Variants in FSD1 observed in about 807,000 individuals in gnomAD.
FSD1 encodes fibronectin type III and SPRY domain-containing protein 1.
Under a neutral mutation model 58.2 loss-of-function variants are expected in FSD1, and 23 were observed. That is an observed-to-expected ratio of 0.40 (90% CI 0.28 to 0.56). FSD1 has a LOEUF of 0.56. FSD1 is among the 20% of genes least tolerant of loss of function. The probability of loss-of-function intolerance (pLI) is 0.54; values close to 1 mark genes in which losing one functional copy is unlikely to be tolerated. For missense variants in FSD1, 563 were observed against 670.8 expected, an observed-to-expected ratio of 0.84 and a Z score of 1.78; for synonymous variants, 265 against 263.4, an observed-to-expected ratio of 1.01 and a Z score of -0.06.
rs376240729 is a variant in FSD1, at chr19:4,313,495, G to A, written c.700+1444G>A. The stretch of plus-strand genomic sequence containing the variant: ...AGCACTTTGGGAGGCTTAGGCGGGC[G>A]GATCTTGAAGTCACGAGATTGAGAC... On this transcript the variant is annotated intron_variant, in intron 7 of 12. Transcript: ENST00000221856. Among the ~76,000 whole-genome samples, 95 of 152,028 alleles carry A rather than the reference G, an allele frequency of 6.2e-4. 2 individuals carry two copies. In the South Asian group the frequency reaches 0.019, roughly 30 times the overall value.
chr19:4,305,188 G>A (rs1971604592), intron 1 of FSD1, among the ~76,000 whole-genome samples: 1 of 148,908 alleles, frequency 6.7e-6, no homozygotes, highest in African/African-American at 2.5e-5. Flanking sequence ...TCCCGAGCGG[G>A]ATCCTCCCTC....
At position 4,310,417 on chromosome 19, in the gene FSD1, G is replaced by A. The variant is rs557099158; in HGVS notation, c.369-58G>A. 1.1e-4 allele frequency: 184 copies of A among 1,603,740 alleles called. 2 individuals are homozygous for A. The East Asian group carries it at 3.4e-3, about 30-fold the overall frequency. On this transcript the variant is annotated intron_variant, in intron 5 of 12. Coordinates refer to ENST00000221856, the MANE Select transcript of FSD1 (RefSeq NM_024333.3). ...GGGAGCCCTGGGGAGGGGCCCCCTC[G>A]CGCCACGGATGACCAGGCCTGGTCC... is the stretch of plus-strand genomic sequence containing the variant.
At position 4,315,559 on chromosome 19, in the gene FSD1, C is replaced by T. The variant is rs1305905912; in HGVS notation, c.701-1623C>T. ...TCCTGACCTTGTGATCCGCCTCCGTCGGCCTCCCAAAGTGCTGGGATTACA... is the reference window on the plus strand; with the variant it reads ...TCCTGACCTTGTGATCCGCCTCCGTTGGCCTCCCAAAGTGCTGGGATTACA... On this transcript the variant is annotated intron_variant, in intron 7 of 12. Transcript: ENST00000221856. Among the ~76,000 whole-genome samples, 15 of 149,934 alleles carry T rather than the reference C, an allele frequency of 1.0e-4. No individual in the cohort carries two copies. The South Asian group carries it at 1.9e-3, about 19-fold the overall frequency.
At chr19:4,313,174 C>A (rs1971714229) in intron 7 of FSD1, among the ~76,000 whole-genome samples, 1 of 149,404 alleles carries the variant, frequency 6.7e-6, no homozygotes, top group Admixed American at 6.7e-5. Context: ...AAAGCAAGAG[C>A]CCATCTATAA....
rs1447452654 is a variant in FSD1 at position 4,307,313 on chromosome 19, C to T, written c.244-569C>T. On this transcript the variant is annotated intron_variant, in intron 3 of 12. Transcript: ENST00000221856. Reference sequence around the variant, plus strand: ...TCAAGCGATCCTCCTGCCTTGGCCTCCCAAATTGCTGGGATTACAGGCATG... The same window carrying T: ...TCAAGCGATCCTCCTGCCTTGGCCTTCCAAATTGCTGGGATTACAGGCATG... Among the ~76,000 whole-genome samples the T allele has an allele frequency of 3.3e-5, 5 of 152,278 alleles. No individual in the cohort carries two copies. In the South Asian group the frequency reaches 6.2e-4, roughly 19 times the overall value.
rs149433138 is a variant in FSD1 at position 4,313,674 on chromosome 19, C to A, written c.700+1623C>A. Among the ~76,000 whole-genome samples the A allele has an allele frequency of 2.0e-3, 298 of 149,094 alleles. 1 individual carries two copies. Among genetic ancestry groups the A allele is most frequent in the Non-Finnish European group, 3.4e-3 (229 of 67,630 alleles). On this transcript the variant is annotated intron_variant, in intron 7 of 12. Coordinates refer to ENST00000221856, the MANE Select transcript of FSD1 (RefSeq NM_024333.3). Reference sequence around the variant, plus strand: ...CAGAAGTTGCAGTGAGCTGAGATTGCGCCACTGAGCTCCAGCCTGGTTACA... The same window carrying A: ...CAGAAGTTGCAGTGAGCTGAGATTGAGCCACTGAGCTCCAGCCTGGTTACA...
intron 4 of FSD1, among the ~76,000 whole-genome samples, chr19:4,309,622 T>G (rs1971664950): frequency 1.3e-5 from 2 of 152,098 alleles, no homozygotes; most frequent in African/African-American, 4.8e-5. Context: ...TAGAAACAAA[T>G]CTTTGGGCCG....
chr19:4,304,986 C>A (rs1426891699), intron 1 of FSD1, among the ~76,000 whole-genome samples: 2 of 138,134 alleles, frequency 1.4e-5, no homozygotes, highest in Admixed American at 1.4e-4. Flanking sequence ...CTTCTACGCC[C>A]CCCCACCCTG....
At chr19:4,322,059 G>A (rs1971824916) in intron 10 of FSD1, among the ~76,000 whole-genome samples, 1 of 138,014 alleles carries the variant, frequency 7.2e-6, no homozygotes, top group Non-Finnish European at 1.5e-5. Flanking sequence ...TATCTGAGAG[G>A]AACAGCTGGG....
intron 10 of FSD1, among the ~76,000 whole-genome samples, chr19:4,321,742 T>G (rs1421825023): frequency 7.0e-6 from 1 of 142,570 alleles, no homozygotes; most frequent in African/African-American, 2.7e-5. Flanking sequence ...TGGGGGGAAA[T>G]AGCTGGGGCC....
chr19:4,313,911 C>A (rs1047741574), intron 7 of FSD1, among the ~76,000 whole-genome samples: 5 of 151,916 alleles, frequency 3.3e-5, no homozygotes, highest in African/African-American at 1.2e-4. Context: ...GCCTGTAGTC[C>A]CAGCTACTTG....
chr19:4,321,012 A>T (rs551333375), intron 10 of FSD1, among the ~76,000 whole-genome samples: 26 of 148,096 alleles, frequency 1.8e-4, no homozygotes, highest in Non-Finnish European at 3.9e-4. Flanking sequence ...TCTGGAGGGG[A>T]ATAGCTGGGA....
In FSD1 at chr19:4,317,210, C is replaced by T. The variant is rs760787936; in HGVS notation, c.729C>T (p.Asn243=). ...TCAAGTTTGACATGAAATACATGAACTTCCGTGTGAAGGCCTGTAACAAGG... is the reference window on the plus strand; with the variant it reads ...TCAAGTTTGACATGAAATACATGAATTTCCGTGTGAAGGCCTGTAACAAGG... The part of the protein sequence containing the change: ...TGLKFDMKYM[N]FRVKACNKAV... Residue 243 remains asparagine (N), a synonymous_variant, in exon 8 of 13, where the codon AAC becomes AAT. Coordinates refer to ENST00000221856, the MANE Select transcript of FSD1 (RefSeq NM_024333.3). 1.2e-6 allele frequency: 2 copies of T among 1,612,236 alleles called. No individual in the cohort carries two copies. The highest frequency in any genetic ancestry group is 1.7e-6 in the Non-Finnish European group (2 of 1,178,386).
intron 7 of FSD1, among the ~76,000 whole-genome samples, chr19:4,312,867 A>G (rs1971710171): frequency 6.6e-6 from 1 of 151,814 alleles, no homozygotes; most frequent in East Asian, 1.9e-4. Context: ...TTTTCCAGAC[A>G]TGGGATCCTG....
intron 7 of FSD1, among the ~76,000 whole-genome samples, chr19:4,316,328 T>A (rs1354494012): frequency 6.6e-6 from 1 of 151,486 alleles, no homozygotes; most frequent in Non-Finnish European, 1.5e-5. Context: ...TTCAAGTGAT[T>A]CTCCTTCCGC....
rs1254406229 is a variant in FSD1, at chr19:4,304,759, A to C, written c.13A>C (p.Arg5=). The C allele has an allele frequency of 3.6e-6, 1 of 281,602 alleles. No individual in the cohort carries two copies. The highest frequency in any genetic ancestry group is 4.3e-6 in the Non-Finnish European group (1 of 234,942). The allele number at this position is 281,602 out of a possible 1,614,324, so 17.4% of individuals were successfully genotyped here. MEEQ[R]EALRKIIKTL... The stretch of plus-strand genomic sequence containing the variant: ...CTGGGCTGCAGCCATGGAAGAACAG[A>C]GGGTAGGACGGGGTGGGGCAGGGCG... Residue 5 remains arginine, a splice_region_variant and synonymous_variant, in exon 1 of 13, where the codon AGG becomes CGG. Coordinates refer to ENST00000221856, the MANE Select transcript of FSD1 (RefSeq NM_024333.3).
At chr19:4,312,629 C>T (rs1479012613) in intron 7 of FSD1, among the ~76,000 whole-genome samples, 1 of 151,838 alleles carries the variant, frequency 6.6e-6, no homozygotes, top group Non-Finnish European at 1.5e-5. Flanking sequence ...CGGTGAAATA[C>T]TGTATCTACT....
chr19:4,318,590 G>A (rs1971781055), intron 9 of FSD1, 85 bp downstream of exon 9: 1 of 1,242,590 alleles, frequency 8.0e-7, no homozygotes, highest in African/African-American at 1.5e-5. Context: ...GTCAGAGTTG[G>A]GGTGGAGAGG....
At chr19:4,307,037 G>A (rs1971630219) in intron 3 of FSD1, among the ~76,000 whole-genome samples, 1 of 151,990 alleles carries the variant, frequency 6.6e-6, no homozygotes, top group Non-Finnish European at 1.5e-5. Context: ...GCTCGGATGT[G>A]GCCTAGGCAT....
Sources: gnomAD v4.1 joint callset for allele counts (sites outside exome capture counted in the v4.1 genomes callset) on GRCh38, gnomAD v4.1.1 for gene constraint, MANE v1.5 for transcripts, NCBI Gene and HGNC (gene_info 2026-07-23, HGNC 2026-07-21) for gene names.